The following NR3C2 variants were observed in gnomAD, a reference collection of about 807,000 sequenced individuals.
NR3C2 encodes the protein nuclear receptor subfamily 3 group C member 2.
Under a neutral mutation model 86.4 loss-of-function variants are expected in NR3C2, and 15 were observed. The ratio of observed to expected loss-of-function variants is 0.17; its 90% CI spans 0.12 to 0.27. NR3C2 has a LOEUF of 0.27. Ranked by LOEUF, NR3C2 falls within the 10% of genes least tolerant of loss-of-function variation. NR3C2 has a pLI of 1.00. For synonymous variants in NR3C2, 458 were observed against 450.5 expected (o/e 1.02, Z -0.21); for missense variants, 960 against 1,195.6 (o/e 0.80, Z 2.91).
intron 2 of NR3C2, among the ~76,000 whole-genome samples, chr4:148,325,338 G>T (rs1413481597): frequency 6.6e-6 from 1 of 152,148 alleles, no homozygotes; most frequent in Non-Finnish European, 1.5e-5. Flanking sequence ...ATTACAAAAC[G>T]TGGGAGAAAA....
At chr4:148,238,970 C>A (rs1464998005) in intron 3 of NR3C2, among the ~76,000 whole-genome samples, 1 of 152,172 alleles carries the variant, frequency 6.6e-6, no homozygotes, top group African/African-American at 2.4e-5. Context: ...ACAGGGAACT[C>A]TGAGTCCAAG....
intron 6 of NR3C2, among the ~76,000 whole-genome samples, chr4:148,123,702 C>T (rs1052430062): frequency 6.6e-5 from 10 of 152,202 alleles, no homozygotes; most frequent in Admixed American, 1.3e-4. Context: ...ATACTGGGGG[C>T]GGGTTCCCCC....
rs531132481 is a variant in NR3C2 at position 148,218,530 on chromosome 4, A to AT, written c.1898-23669dup. On this transcript the variant is annotated intron_variant, in intron 3 of 8. Transcript: ENST00000358102. ...CCTCCATCTTATTTTTCAAGTACACATTTTTTTTTAAACATAGAAGTTATT... is the reference window on the plus strand; with the variant it reads ...CCTCCATCTTATTTTTCAAGTACACATTTTTTTTTTAAACATAGAAGTTATT... 2.7e-3 allele frequency among the ~76,000 whole-genome samples: 408 copies of AT among 151,512 alleles called. No homozygotes were observed. In the Middle Eastern group the frequency reaches 0.034, roughly 13 times the overall value.
At chr4:148,139,450 A>G (rs985396127) in intron 6 of NR3C2, among the ~76,000 whole-genome samples, 3 of 152,170 alleles carry the variant, frequency 2.0e-5, no homozygotes, top group Non-Finnish European at 4.4e-5. Flanking sequence ...TCTCCCTCTA[A>G]ACTGATTATC....
At chr4:148,282,515 T>G (rs187911903) in intron 2 of NR3C2, among the ~76,000 whole-genome samples, 2 of 152,116 alleles carry the variant, frequency 1.3e-5, no homozygotes, top group Non-Finnish European at 2.9e-5. Context: ...GGGATAAAAT[T>G]AGAAAAGTCA....
At chr4:148,315,698 TG>T (rs1743137380) in intron 2 of NR3C2, among the ~76,000 whole-genome samples, 1 of 152,224 alleles carries the variant, frequency 6.6e-6, no homozygotes, top group South Asian at 2.1e-4. Context: ...TTACGTATTC[TG>T]TTTGAAAAAT....
chr4:148,369,764 G>C (rs1337608168), intron 2 of NR3C2, among the ~76,000 whole-genome samples: 1 of 152,146 alleles, frequency 6.6e-6, no homozygotes, highest in Non-Finnish European at 1.5e-5. Context: ...AGGAGAACAA[G>C]ACAAAACAAA....
At chr4:148,275,338 G>A (rs546374485) in intron 2 of NR3C2, among the ~76,000 whole-genome samples, 21 of 152,180 alleles carry the variant, frequency 1.4e-4, no homozygotes, top group Non-Finnish European at 2.6e-4. Context: ...GTCTAAAAGG[G>A]CTTACTTTTA....
intron 2 of NR3C2, among the ~76,000 whole-genome samples, chr4:148,315,519 G>A (rs1743127484): frequency 6.6e-6 from 1 of 152,106 alleles, no homozygotes; most frequent in African/African-American, 2.4e-5. Context: ...TATTTTTCTT[G>A]ATGTAGCCTA....
At chr4:148,256,423 A>G (rs1739836244) in intron 3 of NR3C2, among the ~76,000 whole-genome samples, 1 of 152,216 alleles carries the variant, frequency 6.6e-6, no homozygotes, top group Non-Finnish European at 1.5e-5. Flanking sequence ...AGAGGATAGT[A>G]ATAATCTAGT....
Position 148,168,050 on chromosome 4 carries a change from G to C in NR3C2, c.2015-13149C>G, listed in dbSNP as rs527352825. On this transcript the variant is annotated intron_variant, in intron 4 of 8. Transcript: ENST00000358102. ...ACCTTGAGAGAGTCTGAAGAGAGAG[G>C]AAACAGGGAGAAGCCAAAAAGAAAA... Among the ~76,000 whole-genome samples, 9 of 152,318 alleles carry C rather than the reference G, an allele frequency of 5.9e-5. 1 individual carries two copies. The highest frequency in any genetic ancestry group is 5.9e-4 in the Admixed American group (9 of 15,304).
intron 2 of NR3C2, among the ~76,000 whole-genome samples, chr4:148,418,625 T>A (rs1426485295): frequency 1.3e-5 from 2 of 152,214 alleles, no homozygotes; most frequent in Non-Finnish European, 2.9e-5. Context: ...ATTTACCCAT[T>A]GTAGTTCCTA....
At chr4:148,326,662 C>T (rs1315743964) in intron 2 of NR3C2, among the ~76,000 whole-genome samples, 1 of 151,324 alleles carries the variant, frequency 6.6e-6, no homozygotes, top group Non-Finnish European at 1.5e-5. Flanking sequence ...TTCTTTAGGG[C>T]TTGCAGGATT....
chr4:148,085,728 A>AATAG (rs771893125), intron 8 of NR3C2, among the ~76,000 whole-genome samples: 9 of 152,218 alleles, frequency 5.9e-5, no homozygotes, highest in East Asian at 3.8e-4. Flanking sequence ...AGATCAACAA[A>AATAG]ATAGATAGAC....
Position 148,080,732 on chromosome 4 carries a change from C to CTAAT in NR3C2, c.*608_*611dup, listed in dbSNP as rs1384000622. On this transcript the variant is annotated 3_prime_UTR_variant, in exon 9 of 9. Transcript: ENST00000358102. ...GGCATTTAACATCATCTTATCCATT[C>CTAAT]TAATTAAATAAGAAATGGACGCTAA... 3.0e-5 allele frequency: 10 copies of CTAAT among 337,698 alleles called. No individual in the cohort carries two copies. Among genetic ancestry groups the CTAAT allele is most frequent in the African/African-American group, 8.6e-5 (4 of 46,682 alleles). 20.9% of individuals were successfully genotyped at this position (337,698 alleles called of 1,614,324 possible). A position where few individuals can be genotyped will look rare whatever the true frequency, so the allele number is the denominator to read the frequency against.
chr4:148,341,207 C>A (rs1744731106), intron 2 of NR3C2, among the ~76,000 whole-genome samples: 1 of 152,126 alleles, frequency 6.6e-6, no homozygotes, highest in Non-Finnish European at 1.5e-5. Context: ...GATACGTAAT[C>A]AATCTAAGTG....
chr4:148,284,022 C>T (rs1561018629), intron 2 of NR3C2, among the ~76,000 whole-genome samples: 2 of 152,116 alleles, frequency 1.3e-5, no homozygotes, highest in Non-Finnish European at 2.9e-5. Flanking sequence ...TACCACATAC[C>T]TTGTCCCACG....
At chr4:148,130,819 GTT>G (rs376180676) in intron 6 of NR3C2, among the ~76,000 whole-genome samples, 12 of 108,896 alleles carry the variant, frequency 1.1e-4, no homozygotes, top group South Asian at 3.5e-4. Flanking sequence ...GTTTTGTTTT[GTT>G]TTTTTTTTTT....
rs1420476118 is a variant in NR3C2 at position 148,154,730 on chromosome 4, G to A, written c.2186C>T (p.Thr729Ile). 6.2e-7 allele frequency: 1 copy of A among 1,613,412 alleles called. No homozygotes were observed. The highest frequency in any genetic ancestry group is 1.1e-5 in the South Asian group (1 of 91,052). ...GGAAGGTGTGAGCGCTCGTGAGATT[G>A]TGGAGAGCTGAGGAACCAGTGCTGT... ...VNTALVPQLS[T>I]ISRALTPSPV... The change falls in exon 5 of 9, where the codon ACA becomes ATA. Residue 729 changes from threonine (T) to isoleucine (I), a missense_variant. This residue lies in a region of NR3C2 where 82 missense variants were observed against 73.0 expected (regional missense o/e 1.12). Transcript: ENST00000358102.
Sources: gnomAD v4.1 joint callset for allele counts (sites outside exome capture counted in the v4.1 genomes callset) on GRCh38, gnomAD v4.1.1 for gene constraint, gnomAD v4.1.1 regional missense constraint, MANE v1.5 for transcripts, NCBI Gene and HGNC (gene_info 2026-07-23, HGNC 2026-07-21) for gene names.